PARP8: variants seen among roughly 807,000 people sequenced by gnomAD.
The protein encoded by PARP8 is poly(ADP-ribose) polymerase family member 8.
PARP8 carries 51 observed loss-of-function variants against 124.1 expected under a neutral mutation model. The ratio of observed to expected loss-of-function variants is 0.41; its 90% CI spans 0.33 to 0.52. The LOEUF is 0.52. Among genes scored for constraint, PARP8 ranks in the 20% least tolerant of loss-of-function variants. The pLI, the probability that PARP8 is intolerant of heterozygous loss-of-function variation, is 0.21. For missense variants in PARP8, 860 were observed against 1,018.9 expected (o/e 0.84, Z 2.12); for synonymous variants, 391 against 361.5 (o/e 1.08, Z -0.93).
chr5:50,844,847 A>G lies in PARP8; in HGVS notation c.*2779A>G, dbSNP rs1404486347. 1 of 151,750 alleles carries G rather than the reference A, an allele frequency of 6.6e-6. No individual in the cohort carries two copies. The highest frequency in any genetic ancestry group is 1.5e-5 in the Non-Finnish European group (1 of 67,780). The allele number at this position is 151,750 out of a possible 1,614,324, so 9.4% of individuals were successfully genotyped here. On this transcript the variant is annotated 3_prime_UTR_variant, in exon 26 of 26. Transcript: ENST00000281631. ...AGAAAATGAACATTTGAGAATGGAA[A>G]AAAGTAATAATATACAAATAATCTA...
At chr5:50,765,690 A>G (rs1390438918) in intron 7 of PARP8, among the ~76,000 whole-genome samples, 1 of 152,216 alleles carries the variant, frequency 6.6e-6, no homozygotes. Flanking sequence ...TCCAAAATAA[A>G]TATCTTCCTA....
At chr5:50,668,590 T>G (rs1273069562) in intron 2 of PARP8, 1 of 152,648 alleles carries the variant, frequency 6.6e-6, no homozygotes, top group African/African-American at 2.4e-5. Flanking sequence ...TCTCTGTACA[T>G]TTTTTTTTCA....
chr5:50,832,527 T>C (rs1747097012), intron 22 of PARP8, among the ~76,000 whole-genome samples: 1 of 152,206 alleles, frequency 6.6e-6, no homozygotes, highest in African/African-American at 2.4e-5. Flanking sequence ...GTTTTAAGAA[T>C]TTTTAAATTA....
intron 2 of PARP8, among the ~76,000 whole-genome samples, chr5:50,671,683 C>A (rs1750037697): frequency 6.6e-6 from 1 of 151,700 alleles, no homozygotes; most frequent in Non-Finnish European, 1.5e-5. Flanking sequence ...CTTTTGAGAC[C>A]TCACATTTTT....
chr5:50,817,758 C>T (rs191116681), intron 15 of PARP8, among the ~76,000 whole-genome samples: 13 of 152,210 alleles, frequency 8.5e-5, no homozygotes, highest in Admixed American at 5.2e-4. Flanking sequence ...TAGGCTCTTC[C>T]TATAGGTGCC....
At chr5:50,722,501 T>C (rs926777819) in intron 2 of PARP8, among the ~76,000 whole-genome samples, 1 of 152,084 alleles carries the variant, frequency 6.6e-6, no homozygotes, top group African/African-American at 2.4e-5. Context: ...AGTCCCCCAC[T>C]CTTCCTCATA....
intron 5 of PARP8, 92 bp from the exon 6 acceptor site, chr5:50,761,729 A>G (rs1760565967): frequency 2.6e-6 from 2 of 774,748 alleles, no homozygotes; most frequent in South Asian, 3.5e-5. Flanking sequence ...TCCATAATAT[A>G]TGCTCAAGAC....
intron 12 of PARP8, 24 bp from the exon 13 acceptor site, chr5:50,796,956 ATT>A: frequency 6.4e-7 from 1 of 1,564,576 alleles, no homozygotes; most frequent in Non-Finnish European, 8.7e-7. Flanking sequence ...AAAAATTATC[ATT>A]TTTTTTTACT....
rs756595067 is a variant in PARP8 at position 50,825,020 on chromosome 5, C to A, written c.1928+45C>A. ...CTCTTAATGAAAACAGCATCCTTTT[C>A]TACTGCTTGATTTAAGGAAAAAAAC... On this transcript the variant is annotated intron_variant, in intron 18 of 25. Transcript: ENST00000281631. 6.8e-6 allele frequency: 10 copies of A among 1,464,704 alleles called. No individual in the cohort carries two copies. In the Admixed American group the frequency reaches 1.7e-4, roughly 26 times the overall value. 90.7% of individuals were successfully genotyped at this position (1,464,704 alleles called of 1,614,324 possible). A position where few individuals can be genotyped will look rare whatever the true frequency, so the allele number is the denominator to read the frequency against.
intron 14 of PARP8, among the ~76,000 whole-genome samples, chr5:50,814,938 T>G (rs562934699): frequency 6.6e-6 from 1 of 152,276 alleles, no homozygotes; most frequent in South Asian, 2.1e-4. Flanking sequence ...AACGAGTCTT[T>G]CAAGAGCTGA....
chr5:50,718,363 T>A (rs1755530685), intron 2 of PARP8, among the ~76,000 whole-genome samples: 1 of 151,982 alleles, frequency 6.6e-6, no homozygotes, highest in African/African-American at 2.4e-5. Context: ...TTGATAAAAA[T>A]TGTAAATGTC....
chr5:50,675,024 T>C (rs1218680229), intron 2 of PARP8, among the ~76,000 whole-genome samples: 1 of 152,260 alleles, frequency 6.6e-6, no homozygotes, highest in African/African-American at 2.4e-5. Flanking sequence ...GAATGTTATT[T>C]ATTTGCATAT....
Position 50,668,081 on chromosome 5 carries a change from C to T in PARP8, c.102C>T (p.Tyr34=), listed in dbSNP as rs755807189. 2.0e-5 allele frequency: 32 copies of T among 1,612,048 alleles called. No homozygotes were observed. Among genetic ancestry groups the T allele is most frequent in the Non-Finnish European group, 2.4e-5 (28 of 1,179,928 alleles). Residue 34 remains tyrosine, a synonymous_variant, in exon 2 of 26, where the codon TAC becomes TAT. Coordinates refer to ENST00000281631, the MANE Select transcript of PARP8 (RefSeq NM_024615.4). ...GACTTTCTGTTTCAGATTTCAGATACTCTGACTCCACCTTTACTTTTACCT... is the reference window on the plus strand; with the variant it reads ...GACTTTCTGTTTCAGATTTCAGATATTCTGACTCCACCTTTACTTTTACCT... The part of the protein sequence containing the change: ...EKDCLFADFR[Y]SDSTFTFTYV...
intron 3 of PARP8, among the ~76,000 whole-genome samples, chr5:50,752,125 A>T (rs282554): frequency 0.8 from 120,691 of 151,102 alleles, 48,461 homozygotes; most frequent in East Asian, 0.94. Flanking sequence ...GCTTTTTTTT[A>T]AAAAAAATGA....
rs1173639859 is a variant in PARP8, at chr5:50,797,205, ATG to A, written c.1551_1552del (p.Phe518SerfsTer7). 1 of 1,611,700 alleles carries A rather than the reference ATG, an allele frequency of 6.2e-7. No homozygotes were observed. Among genetic ancestry groups the A allele is most frequent in the Non-Finnish European group, 8.5e-7 (1 of 1,178,492 alleles). The stretch of plus-strand genomic sequence containing the variant: ...TATTGTGTGGTTTGTGATGAGCCAC[ATG>A]TGTTTCAAAATGGCCCTATGCTTAG... On this transcript the variant is annotated frameshift_variant, in exon 14 of 26. Coordinates refer to ENST00000281631, the MANE Select transcript of PARP8 (RefSeq NM_024615.4). LOFTEE classifies it high-confidence loss of function.
intron 14 of PARP8, among the ~76,000 whole-genome samples, chr5:50,804,228 C>G (rs1305833563): frequency 2.6e-5 from 4 of 152,178 alleles, no homozygotes; most frequent in Non-Finnish European, 4.4e-5. Context: ...TCAATCCCCA[C>G]TCCAGGTAAT....
At chr5:50,687,936 T>A (rs2149455277) in intron 2 of PARP8, among the ~76,000 whole-genome samples, 1 of 152,306 alleles carries the variant, frequency 6.6e-6, no homozygotes, top group East Asian at 1.9e-4. Flanking sequence ...ATCCACCTCC[T>A]GGGCTCAAAT....
intron 2 of PARP8, among the ~76,000 whole-genome samples, chr5:50,719,733 T>G: frequency 6.6e-6 from 1 of 152,096 alleles, no homozygotes; most frequent in East Asian, 1.9e-4. Flanking sequence ...CATATTAAAA[T>G]GTGTGGCTTC....
At chr5:50,731,438 C>T (rs536960642) in intron 2 of PARP8, among the ~76,000 whole-genome samples, 16 of 152,200 alleles carry the variant, frequency 1.1e-4, no homozygotes, top group African/African-American at 3.9e-4. Flanking sequence ...TTTGCTTGTA[C>T]AGGTCTGGCT....
Sources: gnomAD v4.1 joint callset for allele counts (sites outside exome capture counted in the v4.1 genomes callset) on GRCh38, gnomAD v4.1.1 for gene constraint, MANE v1.5 for transcripts, NCBI Gene and HGNC (gene_info 2026-07-23, HGNC 2026-07-21) for gene names.